The following SCRIB variants were observed in gnomAD, a reference collection of about 807,000 sequenced individuals.
The protein encoded by SCRIB is protein scribble homolog.
A neutral mutation model predicts 170.0 loss-of-function variants in SCRIB; 72 were observed. The ratio of observed to expected loss-of-function variants is 0.42; its 90% CI spans 0.35 to 0.52. The LOEUF (loss-of-function observed/expected upper bound fraction) is 0.52, where lower values mean the gene tolerates loss of function less well. Among genes scored for constraint, SCRIB ranks in the 20% least tolerant of loss-of-function variants. The pLI is 0.02. For synonymous variants in SCRIB, 1,298 were observed against 1,044.3 expected (o/e 1.24, Z -4.68); for missense variants, 2,475 against 2,338.5 (o/e 1.06, Z -1.20).
In SCRIB at chr8:143,792,764, G is replaced by A; in HGVS notation, c.4121C>T (p.Pro1374Leu). Residue 1374 changes from proline to leucine, a missense_variant, in exon 30 of 37, where the codon CCT becomes CTT. Transcript: ENST00000356994. Reference protein sequence around the residue: ...EVRVPQAEGPPKRVSLVGADD... With the variant: ...EVRVPQAEGPLKRVSLVGADD... ...AGCACCCACCAGGGACACGCGCTTA[G>A]GGGGGCCCTCGGCCTGGGGCACGCG... 1 of 1,588,822 alleles carries A rather than the reference G, an allele frequency of 6.3e-7. No individual in the cohort carries two copies. Among genetic ancestry groups the A allele is most frequent in the Non-Finnish European group, 8.5e-7 (1 of 1,170,504 alleles).
chr8:143,808,588 A>G, intron 15 of SCRIB, 21 bp downstream of exon 15: 2 of 1,498,914 alleles, frequency 1.3e-6, no homozygotes, highest in South Asian at 2.8e-5. Flanking sequence ...TGGGTCAGGC[A>G]GGGGTGAGGC....
At chr8:143,802,137 C>T (rs1407433590) in intron 24 of SCRIB, among the ~76,000 whole-genome samples, 1 of 152,234 alleles carries the variant, frequency 6.6e-6, no homozygotes, top group Non-Finnish European at 1.5e-5. Context: ...GTCCAGAGCT[C>T]GAGTCCTCAG....
rs1212379399 is a variant in SCRIB at position 143,811,281 on chromosome 8, A to T, written c.971T>A (p.Leu324His). ...LTNLNVDRNHLEALPPEIGGC... is the reference protein window; with the variant it reads ...LTNLNVDRNHHEALPPEIGGC... ...CCCGATCTCGGGCGGCAGCGCCTCGAGGTGGTTCCGGTCCACGTTGAGGTT... is the reference window on the plus strand; with the variant it reads ...CCCGATCTCGGGCGGCAGCGCCTCGTGGTGGTTCCGGTCCACGTTGAGGTT... Residue 324 changes from leucine (L) to histidine (H), a missense_variant, in exon 10 of 37, where the codon CTC (leucine) becomes CAC (histidine). By Grantham distance (99) the Leu-to-His change is moderately conservative (BLOSUM62 -3). Coordinates refer to ENST00000356994, the MANE Select transcript of SCRIB (RefSeq NM_182706.5). 1 of 1,612,558 alleles carries T rather than the reference A, an allele frequency of 6.2e-7. No individual in the cohort carries two copies.
chr8:143,806,897 G>A lies in SCRIB; in HGVS notation c.2268+27C>T, dbSNP rs28409862. Reference sequence around the variant, plus strand: ...TGTGGTGGGGCAGGCCAGTGGCAGCGGAAAGGCCCTCCTAGGCAGTGCTCA... The same window carrying A: ...TGTGGTGGGGCAGGCCAGTGGCAGCAGAAAGGCCCTCCTAGGCAGTGCTCA... On this transcript the variant is annotated intron_variant, in intron 17 of 36. Coordinates refer to ENST00000356994, the MANE Select transcript of SCRIB (RefSeq NM_182706.5). The A allele has an allele frequency of 4.0e-3, 6,079 of 1,529,224 alleles. 195 individuals are homozygous for A. The African/African-American group carries it at 0.069, about 17-fold the overall frequency. 94.7% of individuals were successfully genotyped at this position (1,529,224 alleles called of 1,614,324 possible). A position where few individuals can be genotyped will look rare whatever the true frequency, so the allele number is the denominator to read the frequency against.
At chr8:143,798,072 C>T (rs1056463806) in intron 24 of SCRIB, among the ~76,000 whole-genome samples, 3 of 152,266 alleles carry the variant, frequency 2.0e-5, no homozygotes, top group African/African-American at 7.2e-5. Flanking sequence ...ATAACTTCAA[C>T]TTTGGAACCA....
rs1815272142 is a variant in SCRIB, at chr8:143,803,639, G to C, written c.3414+8C>G. 1 of 1,535,376 alleles carries C rather than the reference G, an allele frequency of 6.5e-7. No homozygotes were observed. The highest frequency in any genetic ancestry group is 8.8e-7 in the Non-Finnish European group (1 of 1,141,402). ...GGCCCAGGGCGGGCTGGGGTGGGGG[G>C]GGCTCACCTTGGAGATGAAGATGCC... On this transcript the variant is annotated splice_region_variant and intron_variant, in intron 23 of 36. Coordinates refer to ENST00000356994, the MANE Select transcript of SCRIB (RefSeq NM_182706.5).
chr8:143,811,132 A>C lies in SCRIB; in HGVS notation c.1106+14T>G. On this transcript the variant is annotated intron_variant, in intron 10 of 36. Coordinates refer to ENST00000356994, the MANE Select transcript of SCRIB (RefSeq NM_182706.5). ...GGGCCACGGTTAGGCCCGCAGGGCA[A>C]GGCTGGCACTCACCGGTTCCCCGCC... 1 of 1,598,266 alleles carries C rather than the reference A, an allele frequency of 6.3e-7. No homozygotes were observed. Among genetic ancestry groups the C allele is most frequent in the Non-Finnish European group, 8.5e-7 (1 of 1,172,802 alleles).
chr8:143,806,414 A>G lies in SCRIB; in HGVS notation c.2339T>C (p.Leu780Pro). 1 of 1,604,388 alleles carries G rather than the reference A, an allele frequency of 6.2e-7. No homozygotes were observed. The highest frequency in any genetic ancestry group is 8.5e-7 in the Non-Finnish European group (1 of 1,175,268). Residue 780 changes from leucine to proline, a missense_variant, in exon 18 of 37, where the codon CTC (leucine) becomes CCC (proline). Physicochemically the swap from Leu to Pro is moderately conservative, Grantham distance 98. Coordinates refer to ENST00000356994, the MANE Select transcript of SCRIB (RefSeq NM_182706.5). ...GAGAGGTTGCCGACTCACCTCCAGG[A>G]GCTTGTCACCCACACGGACTCCAGC... ...ARAGVRVGDK[L>P]LEVNGVALQG...
rs1815868341 is a variant in SCRIB, at chr8:143,813,666, A to T, written c.417T>A (p.Ser139=). Residue 139 remains serine, a synonymous_variant, in exon 4 of 37, where the codon TCT becomes TCA. Transcript: ENST00000356994. ...SLAHLALNDV[S]LQALPGDVGN... is the part of the protein sequence containing the mutation. ...CCACGTCCCCGGGCAGTGCCTGCAG[A>T]GACACATCATTCAGGGCCAGGTGAG... 1.2e-6 allele frequency: 2 copies of T among 1,613,434 alleles called. No homozygotes were observed. Among genetic ancestry groups the T allele is most frequent in the South Asian group, 2.2e-5 (2 of 91,088 alleles).
At position 143,812,391 on chromosome 8, in the gene SCRIB, T is replaced by A. The variant is rs1167357067; in HGVS notation, c.788-7A>T. 6.3e-7 allele frequency: 1 copy of A among 1,599,314 alleles called. No individual in the cohort carries two copies. The highest frequency in any genetic ancestry group is 8.6e-7 in the Non-Finnish European group (1 of 1,166,918). On this transcript the variant is annotated splice_polypyrimidine_tract_variant and splice_region_variant and intron_variant, in intron 8 of 36. Transcript: ENST00000356994. ...GATAGCTGCTTCAGCTGACCTGGCGTCGGGGAGACAGGGGGACAAGGCTGA... is the reference window on the plus strand; with the variant it reads ...GATAGCTGCTTCAGCTGACCTGGCGACGGGGAGACAGGGGGACAAGGCTGA...
rs1815605655 is a variant in SCRIB, at chr8:143,809,521, G to C, written c.1698+30C>G. On this transcript the variant is annotated intron_variant, in intron 14 of 36. Transcript: ENST00000356994. ...AGGCAGCCCCCACCCAGCAGGCCCA[G>C]CCTCCTGCCTCCTTCCTGCCAATCC... is the stretch of plus-strand genomic sequence containing the variant. 1.9e-6 allele frequency: 3 copies of C among 1,594,050 alleles called. No homozygotes were observed. In the East Asian group the frequency reaches 6.7e-5, roughly 36 times the overall value.
chr8:143,793,152 A>G, intron 28 of SCRIB, 69 bp from the exon 29 acceptor site: 2 of 859,288 alleles, frequency 2.3e-6, no homozygotes, highest in Non-Finnish European at 3.3e-6. Flanking sequence ...GCAACTCACC[A>G]CCGGCTGTCC....
In SCRIB at chr8:143,811,304, G is replaced by T; in HGVS notation, c.948C>A (p.Asn316Lys). 1 of 1,612,898 alleles carries T rather than the reference G, an allele frequency of 6.2e-7. No individual in the cohort carries two copies. The highest frequency in any genetic ancestry group is 8.5e-7 in the Non-Finnish European group (1 of 1,179,910). ...CGAGGTGGTTCCGGTCCACGTTGAG[G>T]TTGGTCAGCTTAGTCAGCTTTCCCA... ...RSLGKLTKLT[N>K]LNVDRNHLEA... Residue 316 changes from asparagine (N) to lysine (K), a missense_variant, in exon 10 of 37, where the codon AAC becomes AAA. Physicochemically the swap from Asn to Lys is moderately conservative, Grantham distance 94. This residue lies in a region of SCRIB where 487 missense variants were observed against 558.1 expected (regional missense o/e 0.87). Transcript: ENST00000356994.
Position 143,792,088 on chromosome 8 carries a change from G to A in SCRIB, c.4560C>T (p.Leu1520=). The A allele has an allele frequency of 6.3e-7, 1 of 1,594,270 alleles. No individual in the cohort carries two copies. The highest frequency in any genetic ancestry group is 8.5e-7 in the Non-Finnish European group (1 of 1,176,328). The change falls in exon 33 of 37, where the codon CTC becomes CTT. Residue 1520 remains leucine (L), a synonymous_variant. Coordinates refer to ENST00000356994, the MANE Select transcript of SCRIB (RefSeq NM_182706.5). ...EQDALRAQMV[L]SRSQEGRGTR... Reference sequence around the variant, plus strand: ...TGCCCCGGCCTTCCTGGGACCTGCTGAGGACCATCTGTGCTCGGAGAGCGT... The same window carrying A: ...TGCCCCGGCCTTCCTGGGACCTGCTAAGGACCATCTGTGCTCGGAGAGCGT...
chr8:143,793,693 C>T (rs527571122), intron 28 of SCRIB: 26 of 538,362 alleles, frequency 4.8e-5, no homozygotes, highest in African/African-American at 4.4e-4. Context: ...AGGCCCCCCA[C>T]CCCATCGCCA....
chr8:143,792,210 A>T lies in SCRIB; in HGVS notation c.4514+10T>A. The T allele has an allele frequency of 6.4e-7, 1 of 1,557,656 alleles. No individual in the cohort carries two copies. Among genetic ancestry groups the T allele is most frequent in the Non-Finnish European group, 8.6e-7 (1 of 1,158,422 alleles). The stretch of plus-strand genomic sequence containing the variant: ...GCAGGGCGGGGTGGCGACCCCACAC[A>T]GGGGCTCACCTGGCTGCCCTCCACA... On this transcript the variant is annotated intron_variant, in intron 32 of 36. Coordinates refer to ENST00000356994, the MANE Select transcript of SCRIB (RefSeq NM_182706.5).
rs1820071372 is a variant in SCRIB, at chr8:143,791,373, C to T, written c.4822+16G>A. On this transcript the variant is annotated intron_variant, in intron 36 of 36. Coordinates refer to ENST00000356994, the MANE Select transcript of SCRIB (RefSeq NM_182706.5). ...CTGGGCTCCTGGGAGCTCACCCCAG[C>T]CCGGCCCCAACTCACCAGGGCTGGG... 2 of 1,606,638 alleles carry T rather than the reference C, an allele frequency of 1.2e-6. No individual in the cohort carries two copies. The highest frequency in any genetic ancestry group is 1.7e-6 in the Non-Finnish European group (2 of 1,177,434).
Position 143,805,423 on chromosome 8 carries a change from C to A in SCRIB, c.2359G>T (p.Ala787Ser). The change falls in exon 19 of 37, where the codon GCT becomes TCT. Residue 787 changes from alanine to serine, a missense_variant. Physicochemically the swap from Ala to Ser is moderately conservative, Grantham distance 99. Around this residue, in one of 3 missense-constraint regions of SCRIB, gnomAD observed 1,966 missense variants for 1,742.9 expected, o/e 1.13. Transcript: ENST00000356994. ...GDKLLEVNGV[A>S]LQGAEHHEAV... The stretch of plus-strand genomic sequence containing the variant: ...TCGTGGTGCTCGGCGCCCTGCAGAG[C>A]CACACCATTCACCTGCGGGCCAGGG... 6.6e-7 allele frequency: 1 copy of A among 1,505,718 alleles called. No individual in the cohort carries two copies. Among genetic ancestry groups the A allele is most frequent in the Non-Finnish European group, 8.8e-7 (1 of 1,130,262 alleles). The allele number at this position is 1,505,718 out of a possible 1,614,324, so 93.3% of individuals were successfully genotyped here.
intron 26 of SCRIB, 30 bp from the exon 27 acceptor site, chr8:143,795,142 G>C (rs569636999): frequency 8.1e-6 from 13 of 1,606,548 alleles, no homozygotes; most frequent in Admixed American, 3.3e-5. Flanking sequence ...AGCACTAGCA[G>C]GGGTAGCTCC....
Sources: gnomAD v4.1 joint callset for allele counts (sites outside exome capture counted in the v4.1 genomes callset) on GRCh38, gnomAD v4.1.1 for gene constraint, gnomAD v4.1.1 regional missense constraint, MANE v1.5 for transcripts, NCBI Gene and HGNC (gene_info 2026-07-23, HGNC 2026-07-21) for gene names.